The following INTS6 variants were observed in gnomAD, a reference collection of about 807,000 sequenced individuals.
The protein encoded by INTS6 is integrator complex subunit 6.
A neutral mutation model predicts 104.9 loss-of-function variants in INTS6; 16 were observed. The ratio of observed to expected loss-of-function variants is 0.15; its 90% CI spans 0.10 to 0.23. INTS6 has a LOEUF of 0.23. Among genes scored for constraint, INTS6 ranks in the 10% least tolerant of loss-of-function variants. The probability of loss-of-function intolerance (pLI) is 1.00; values close to 1 mark genes in which losing one functional copy is unlikely to be tolerated. For synonymous variants in INTS6, 324 were observed against 358.7 expected, an observed-to-expected ratio of 0.90 and a Z score of 1.09; for missense variants, 584 against 1,062.8, an observed-to-expected ratio of 0.55 and a Z score of 6.26.
chr13:51,373,202 G>GTT (rs201482941), intron 15 of INTS6, among the ~76,000 whole-genome samples: 2,882 of 139,294 alleles, frequency 0.021, 46 homozygotes, highest in African/African-American at 0.05. Context: ...TTGGTGTTTG[G>GTT]TTTTTTTTTT....
intron 4 of INTS6, among the ~76,000 whole-genome samples, chr13:51,418,079 T>G (rs1442936784): frequency 6.6e-6 from 1 of 152,208 alleles, no homozygotes; most frequent in Non-Finnish European, 1.5e-5. Flanking sequence ...ACAATAAAAG[T>G]TAAACACTTA....
downstream of INTS6, among the ~76,000 whole-genome samples, chr13:51,357,085 C>T (rs1955491900): frequency 6.6e-6 from 1 of 152,180 alleles, no homozygotes; most frequent in Admixed American, 6.5e-5. Flanking sequence ...CCTGCTACAG[C>T]AGCAAAACTG....
Position 51,378,248 on chromosome 13 carries a change from C to T in INTS6, c.1593G>A (p.Leu531=), listed in dbSNP as rs371252971. 31 of 1,611,560 alleles carry T rather than the reference C, an allele frequency of 1.9e-5. No individual in the cohort carries two copies. The highest frequency in any genetic ancestry group is 2.6e-5 in the Non-Finnish European group (31 of 1,178,000). The part of the protein sequence containing the change: ...MKEYTGFQVA[L]LNKDLKPQTF... ...AATTCATGATTATTACCTTATTCAG[C>T]AAAGCAACTTGGAACCCAGTGTATT... Residue 531 remains leucine (L), a synonymous_variant, in exon 12 of 18, where the codon TTG becomes TTA. Transcript: ENST00000311234.
intron 7 of INTS6, chr13:51,384,827 C>T (rs1956110986): frequency 5.3e-6 from 2 of 379,304 alleles, no homozygotes; most frequent in African/African-American, 2.1e-5. Flanking sequence ...GAAATGTTAT[C>T]TTCTATTTCT....
intron 4 of INTS6, among the ~76,000 whole-genome samples, chr13:51,427,160 T>C (rs79195236): frequency 0.013 from 1,909 of 152,214 alleles, 34 homozygotes; most frequent in African/African-American, 0.041. Flanking sequence ...GGTGGAATTA[T>C]ACAACTCCAT....
chr13:51,361,924 T>G lies in INTS6; in HGVS notation c.*3828A>C, dbSNP rs754154582. 2 of 1,611,882 alleles carry G rather than the reference T, an allele frequency of 1.2e-6. No individual in the cohort carries two copies. The highest frequency in any genetic ancestry group is 1.3e-5 in the African/African-American group (1 of 74,744). ...ACAGTATTTTTTGACAGGATTCAGA[T>G]AATTTATCAGTGTCTCTCTAGCAAC... is the stretch of plus-strand genomic sequence containing the variant. On this transcript the variant is annotated 3_prime_UTR_variant, in exon 18 of 18. Transcript: ENST00000311234.
chr13:51,343,030 C>T, the INTS6 span, among the ~76,000 whole-genome samples: 4 of 152,068 alleles, frequency 2.6e-5, no homozygotes, highest in Non-Finnish European at 5.9e-5. Context: ...TGGCTGGGGA[C>T]CCTGGCCAGG....
In INTS6 at chr13:51,453,020, C is replaced by T. The variant is rs1953100555; in HGVS notation, c.-495G>A. ...CGGCGGTGTCACCACTTTCTCAGCCCCTCTCGCTACTGAAGCGCTTTTCTC... is the reference window on the plus strand; with the variant it reads ...CGGCGGTGTCACCACTTTCTCAGCCTCTCTCGCTACTGAAGCGCTTTTCTC... On this transcript the variant is annotated 5_prime_UTR_variant, in exon 1 of 18. Coordinates refer to ENST00000311234, the MANE Select transcript of INTS6 (RefSeq NM_012141.3). 9.9e-7 allele frequency: 1 copy of T among 1,011,100 alleles called. No individual in the cohort carries two copies. Among genetic ancestry groups the T allele is most frequent in the Non-Finnish European group, 1.2e-6 (1 of 845,862 alleles). The allele number at this position is 1,011,100 out of a possible 1,614,324, so 62.6% of individuals were successfully genotyped here. A position where few individuals can be genotyped will look rare whatever the true frequency, so the allele number is the denominator to read the frequency against.
chr13:51,345,599 A>G, the INTS6 span, among the ~76,000 whole-genome samples: 1 of 145,178 alleles, frequency 6.9e-6, no homozygotes. Flanking sequence ...TCTCAAAAAA[A>G]AAAAAAAAAA....
At chr13:51,449,549 A>C (rs1024496018) in intron 3 of INTS6, 1 of 984,874 alleles carries the variant, frequency 1.0e-6, no homozygotes, top group African/African-American at 1.7e-5. Context: ...CACTTATGAA[A>C]TGTGATGCAG....
chr13:51,412,434 T>C (rs925163890), intron 4 of INTS6, among the ~76,000 whole-genome samples: 3 of 152,224 alleles, frequency 2.0e-5, no homozygotes, highest in African/African-American at 7.2e-5. Flanking sequence ...TGTCTTATAT[T>C]GTACCATGCT....
At chr13:51,450,929 T>C in intron 3 of INTS6, 96 bp downstream of exon 3, 2 of 1,377,784 alleles carry the variant, frequency 1.5e-6, no homozygotes. Flanking sequence ...TGGAATGTTT[T>C]ATACTTGCAT....
At chr13:51,436,381 G>A (rs1593764180) in intron 3 of INTS6, 1 of 152,120 alleles carries the variant, frequency 6.6e-6, no homozygotes, top group African/African-American at 2.4e-5. Flanking sequence ...CACAGTATAA[G>A]AAATATATTT....
rs151197136 is a variant in INTS6, at chr13:51,414,833, TACACACACACACAC to T, written c.429+15447_429+15460del. 9.1e-5 allele frequency among the ~76,000 whole-genome samples: 13 copies of T among 142,950 alleles called. No homozygotes were observed. In the South Asian group the frequency reaches 1.1e-3, roughly 12 times the overall value. The allele number at this position is 142,950 out of a possible 152,430, so 93.8% of individuals were successfully genotyped here. On this transcript the variant is annotated intron_variant, in intron 4 of 17. Transcript: ENST00000311234. ...TATATGTATGTATGTAGTTCTTCTATACACACACACACACACACACACACACACACACACACAGT... is the reference window on the plus strand; with the variant it reads ...TATATGTATGTATGTAGTTCTTCTATACACACACACACACACACACACAGT...
Position 51,374,312 on chromosome 13 carries a change from C to T in INTS6, c.2000G>A (p.Arg667Lys). 3 of 1,614,074 alleles carry T rather than the reference C, an allele frequency of 1.9e-6. No individual in the cohort carries two copies. The highest frequency in any genetic ancestry group is 2.5e-6 in the Non-Finnish European group (3 of 1,179,936). The change falls in exon 15 of 18, where the codon AGA (arginine) becomes AAA (lysine). Residue 667 changes from arginine (R) to lysine (K), a missense_variant. Physicochemically the swap from Arg to Lys is conservative, Grantham distance 26. Transcript: ENST00000311234. Reference sequence around the variant, plus strand: ...ATTGTTTACAACAGGATTCTGCTGTCTGCCTCTTAGTAGTGGAGACATACA... The same window carrying T: ...ATTGTTTACAACAGGATTCTGCTGTTTGCCTCTTAGTAGTGGAGACATACA... ...RRCMSPLLRG[R>K]QQNPVVNNHI...
chr13:51,421,151 T>A lies in INTS6; in HGVS notation c.429+9143A>T, dbSNP rs78306197. 1.9e-3 allele frequency: 1,918 copies of A among 985,806 alleles called. 12 individuals carry two copies. Among genetic ancestry groups the A allele is most frequent in the African/African-American group, 0.016 (911 of 57,332 alleles). The allele number at this position is 985,806 out of a possible 1,614,324, so 61.1% of individuals were successfully genotyped here. On this transcript the variant is annotated intron_variant, in intron 4 of 17. Transcript: ENST00000311234. ...CTGAGGCCTTCCGAGATGACTAGCA[T>A]CAGACTTTTGAGGAAGGCTAGCCAT...
At chr13:51,346,253 G>T in the INTS6 span, among the ~76,000 whole-genome samples, 46 of 152,248 alleles carry the variant, frequency 3.0e-4, no homozygotes, top group Admixed American at 8.5e-4. Flanking sequence ...GCCCTACAAA[G>T]ACCATACCTT....
intron 3 of INTS6, chr13:51,436,704 T>A (rs1041779907): frequency 3.9e-5 from 6 of 152,166 alleles, no homozygotes; most frequent in South Asian, 4.1e-4. Flanking sequence ...CAATAATTGA[T>A]AAGACTAAGT....
At chr13:51,347,950 C>T in the INTS6 span, among the ~76,000 whole-genome samples, 1 of 139,554 alleles carries the variant, frequency 7.2e-6, no homozygotes. Context: ...TCTGCATGTG[C>T]CATCGTCCCC....
Sources: gnomAD v4.1 joint callset for allele counts (sites outside exome capture counted in the v4.1 genomes callset) on GRCh38, gnomAD v4.1.1 for gene constraint, MANE v1.5 for transcripts, NCBI Gene and HGNC (gene_info 2026-07-23, HGNC 2026-07-21) for gene names.